Variants in RBM28 observed in about 807,000 individuals in gnomAD.
The protein encoded by RBM28 is RNA-binding protein 28.
A neutral mutation model predicts 98.3 loss-of-function variants in RBM28; 78 were observed. The observed-to-expected ratio is 0.79, with a 90% CI of 0.66 to 0.96. The LOEUF (loss-of-function observed/expected upper bound fraction) is 0.96. Ranked by LOEUF, RBM28 falls within the 40% of genes least tolerant of loss-of-function variation. RBM28 has a pLI of 0.00. For synonymous variants in RBM28, 306 were observed against 330.9 expected, an observed-to-expected ratio of 0.92 and a Z score of 0.82; for missense variants, 838 against 913.0, an observed-to-expected ratio of 0.92 and a Z score of 1.06.
intron 17 of RBM28, among the ~76,000 whole-genome samples, chr7:128,314,552 A>G (rs1329604936): frequency 9.9e-5 from 15 of 152,220 alleles, no homozygotes; most frequent in Non-Finnish European, 1.6e-4. Flanking sequence ...AAGGGGCACA[A>G]AAGCCTGCCC....
intron 9 of RBM28, among the ~76,000 whole-genome samples, chr7:128,331,818 C>T (rs1796486851): frequency 6.6e-6 from 1 of 152,118 alleles, no homozygotes; most frequent in Non-Finnish European, 1.5e-5. Context: ...GCAAAACAGT[C>T]CCTAATAAGT....
chr7:128,343,622 G>C lies in RBM28; in HGVS notation c.118+54C>G, dbSNP rs145268684. On this transcript the variant is annotated intron_variant, in intron 1 of 18. Coordinates refer to ENST00000223073, the MANE Select transcript of RBM28 (RefSeq NM_018077.3). ...GATACGGCTCCCTGAAGTTTGGGAA[G>C]GTGCCCTCGATCGCAGGAAACCCCA... 5,587 of 1,337,266 alleles carry C rather than the reference G, an allele frequency of 4.2e-3. 27 individuals are homozygous for C. The highest frequency in any genetic ancestry group is 0.015 in the Middle Eastern group (80 of 5,370). 82.8% of individuals were successfully genotyped at this position (1,337,266 alleles called of 1,614,324 possible).
At chr7:128,324,486 A>T in intron 12 of RBM28, 73 bp downstream of exon 12, 1 of 1,598,418 alleles carries the variant, frequency 6.3e-7, no homozygotes, top group South Asian at 1.1e-5. Flanking sequence ...GCTTCCAGGC[A>T]TACTATTGCT....
Position 128,315,010 on chromosome 7 carries a change from C to A in RBM28, c.1799G>T (p.Arg600Ile). 2 of 1,614,206 alleles carry A rather than the reference C, an allele frequency of 1.2e-6. No individual in the cohort carries two copies. The highest frequency in any genetic ancestry group is 1.1e-5 in the South Asian group (1 of 91,078). Residue 600 changes from arginine (R) to isoleucine (I), a missense_variant, in exon 17 of 19, where the codon AGA becomes ATA. By Grantham distance (97) the Arg-to-Ile change is moderately conservative (BLOSUM62 -3). Coordinates refer to ENST00000223073, the MANE Select transcript of RBM28 (RefSeq NM_018077.3). ...AGGCTCACCAGTTGCAGGCTTGGAT[C>A]TCATTTTTTGCTGCATAAAACAAGA... ...LRIQRSLQKMRSKPATGEPQK... is the reference protein window; with the variant it reads ...LRIQRSLQKMISKPATGEPQK...
At chr7:128,334,676 G>C (rs545534005) in intron 8 of RBM28, among the ~76,000 whole-genome samples, 3 of 152,276 alleles carry the variant, frequency 2.0e-5, no homozygotes, top group East Asian at 3.9e-4. Flanking sequence ...TAGCAATAAG[G>C]ATTGGCTAAA....
intron 10 of RBM28, among the ~76,000 whole-genome samples, chr7:128,328,262 C>G (rs562785004): frequency 6.6e-6 from 1 of 152,310 alleles, no homozygotes; most frequent in East Asian, 1.9e-4. Context: ...TAGGCAGATT[C>G]AAATGAATCT....
intron 1 of RBM28, among the ~76,000 whole-genome samples, chr7:128,342,670 G>A (rs1796751968): frequency 6.6e-6 from 1 of 151,402 alleles, no homozygotes; most frequent in African/African-American, 2.4e-5. Context: ...GACAGAGCAA[G>A]ACGCAGTCTT....
Position 128,333,320 on chromosome 7 carries a change from T to C in RBM28, c.989A>G (p.Asp330Gly). Reference sequence around the variant, plus strand: ...AAAAACAGTTTTCCCTTCATTCACATCAGAGGGTAATTTCCTCTTCTTTTT... The same window carrying C: ...AAAAACAGTTTTCCCTTCATTCACACCAGAGGGTAATTTCCTCTTCTTTTT... ...SNKKKRKLPS[D>G]VNEGKTVFIR... The change falls in exon 9 of 19, where the codon GAT (aspartate) becomes GGT (glycine). Residue 330 changes from aspartate to glycine, a missense_variant. By Grantham distance (94) the Asp-to-Gly change is moderately conservative. Transcript: ENST00000223073. The C allele has an allele frequency of 5.0e-6, 8 of 1,606,798 alleles. No individual in the cohort carries two copies. The highest frequency in any genetic ancestry group is 6.8e-6 in the Non-Finnish European group (8 of 1,173,310).
At position 128,324,704 on chromosome 7, in the gene RBM28, A is replaced by G; in HGVS notation, c.1204-10T>C. ...GTTTAAGCCCACCAGCCTGTAACAG[A>G]TCACAACCCTTTCTTAAAACACATA... On this transcript the variant is annotated splice_polypyrimidine_tract_variant and intron_variant, in intron 11 of 18. Transcript: ENST00000223073. The G allele has an allele frequency of 6.2e-7, 1 of 1,614,176 alleles. No homozygotes were observed. Among genetic ancestry groups the G allele is most frequent in the Non-Finnish European group, 8.5e-7 (1 of 1,180,032 alleles).
intron 10 of RBM28, 34 bp downstream of exon 10, chr7:128,330,785 C>T (rs1219482600): frequency 6.6e-7 from 1 of 1,509,072 alleles, no homozygotes; most frequent in East Asian, 2.3e-5. Flanking sequence ...GTGGTCTCAA[C>T]CCTTTTAGGG....
chr7:128,339,287 A>G lies in RBM28; in HGVS notation c.312T>C (p.Ala104=), dbSNP rs770506829. Residue 104 remains alanine, a synonymous_variant, in exon 3 of 19, where the codon GCT becomes GCC. Coordinates refer to ENST00000223073, the MANE Select transcript of RBM28 (RefSeq NM_018077.3). ...TCTTATCTGCCACTTTGGCTTTTTT[A>G]GCCTTCGGCTCCTTCTTTGGGCACT... is the stretch of plus-strand genomic sequence containing the variant. The part of the protein sequence containing the change: ...NSECPKKEPK[A]KKAKVADKKA... 6.2e-7 allele frequency: 1 copy of G among 1,613,678 alleles called. No homozygotes were observed. The highest frequency in any genetic ancestry group is 8.5e-7 in the Non-Finnish European group (1 of 1,179,606).
intron 18 of RBM28, among the ~76,000 whole-genome samples, chr7:128,311,427 T>C (rs1038474857): frequency 1.3e-5 from 2 of 152,200 alleles, no homozygotes; most frequent in Non-Finnish European, 2.9e-5. Context: ...AGAAGCAAGC[T>C]TGACTTCAAG....
rs764274562 is a variant in RBM28 at position 128,318,024 on chromosome 7, TCTTGGAACTCCG to T, written c.1634_1645del (p.Ala545_Gln548del). On this transcript the variant is annotated inframe_deletion, in exon 15 of 19. Coordinates refer to ENST00000223073, the MANE Select transcript of RBM28 (RefSeq NM_018077.3). The stretch of plus-strand genomic sequence containing the variant: ...GAGGGCTTTCAGGGCATGCTCGTGC[TCTTGGAACTCCG>T]CAAAGGCGTAGCCCAGGGACTGACC... 4.1e-5 allele frequency: 66 copies of T among 1,614,130 alleles called. No individual in the cohort carries two copies. The highest frequency in any genetic ancestry group is 5.2e-5 in the Non-Finnish European group (61 of 1,180,044).
chr7:128,317,935 C>T (rs1584638732), intron 15 of RBM28, 22 bp downstream of exon 15: 1 of 1,613,690 alleles, frequency 6.2e-7, no homozygotes, highest in Non-Finnish European at 8.5e-7. Context: ...GGGAACAAGT[C>T]TCCCCAGAGG....
At position 128,313,255 on chromosome 7, in the gene RBM28, C is replaced by CT; in HGVS notation, c.2064dup (p.Val689SerfsTer30). Reference sequence around the variant, plus strand: ...GGCTTTTTGGGATGGACGGGCTTCACTTTGCCTTTGTCCCGCAACCTGAAA... The same window carrying CT: ...GGCTTTTTGGGATGGACGGGCTTCACTTTTGCCTTTGTCCCGCAACCTGAAA... On this transcript the variant is annotated frameshift_variant, in exon 18 of 19. Coordinates refer to ENST00000223073, the MANE Select transcript of RBM28 (RefSeq NM_018077.3). LOFTEE classifies it high-confidence loss of function. 1 of 1,614,136 alleles carries CT rather than the reference C, an allele frequency of 6.2e-7. No individual in the cohort carries two copies. Among genetic ancestry groups the CT allele is most frequent in the Non-Finnish European group, 8.5e-7 (1 of 1,180,000 alleles).
chr7:128,338,228 G>A, intron 5 of RBM28, 22 bp downstream of exon 5: 3 of 1,563,364 alleles, frequency 1.9e-6, no homozygotes, highest in African/African-American at 1.4e-5. Context: ...CTGGGTCAAT[G>A]ATATGGGTAT....
At position 128,335,562 on chromosome 7, in the gene RBM28, A is replaced by G. The variant is rs377316877; in HGVS notation, c.927T>C (p.Thr309=). Residue 309 remains threonine, a synonymous_variant, in exon 8 of 19, where the codon ACT becomes ACC. Transcript: ENST00000223073. The part of the protein sequence containing the change: ...GEELAQSDTS[T]EEQEDKAVQV... ...ACAAACCTTTATCCTCTTGCTCCTC[A>G]GTGCTGGTATCACTCTGAGCCAGTT... is the stretch of plus-strand genomic sequence containing the variant. The G allele has an allele frequency of 3.7e-6, 6 of 1,614,208 alleles. No homozygotes were observed. The highest frequency in any genetic ancestry group is 1.7e-5 in the Admixed American group (1 of 60,032).
At position 128,308,964 on chromosome 7, in the gene RBM28, A is replaced by C. The variant is rs928600911; in HGVS notation, c.*1833T>G. ...TGCACTCCAGCCTGGGCAACAGAGC[A>C]AGACTGTCTCAAAAAAAAAAAAAAA... is the stretch of plus-strand genomic sequence containing the variant. On this transcript the variant is annotated 3_prime_UTR_variant, in exon 19 of 19. Coordinates refer to ENST00000223073, the MANE Select transcript of RBM28 (RefSeq NM_018077.3). 3 of 80,666 alleles carry C rather than the reference A, an allele frequency of 3.7e-5. No individual in the cohort carries two copies. The highest frequency in any genetic ancestry group is 2.0e-4 in the Admixed American group (1 of 5,000). 5.0% of individuals were successfully genotyped at this position (80,666 alleles called of 1,614,324 possible).
chr7:128,298,172 C>T lies in RBM28; in HGVS notation c.*12625G>A, dbSNP rs1452209685. ...AATACGCGCACAGTTGAACATAGAC[C>T]CTTATCAGTAGTTCTGTTTTGCCTT... On this transcript the variant is annotated 3_prime_UTR_variant, in exon 19 of 19. Transcript: ENST00000223073. 2 of 151,962 alleles carry T rather than the reference C, an allele frequency of 1.3e-5. No individual in the cohort carries two copies. The highest frequency in any genetic ancestry group is 1.3e-4 in the Admixed American group (2 of 15,268). 9.4% of individuals were successfully genotyped at this position (151,962 alleles called of 1,614,324 possible).
Sources: allele counts gnomAD v4.1 joint callset (sites outside exome capture counted in the v4.1 genomes callset), GRCh38; gene constraint gnomAD v4.1.1; transcripts MANE v1.5; gene names NCBI Gene and HGNC (gene_info 2026-07-23, HGNC 2026-07-21).